Variants in RBM34 observed in about 807,000 individuals in gnomAD.
RBM34 encodes RNA binding motif protein 34.
RBM34 carries 39 observed loss-of-function variants against 44.6 expected under a neutral mutation model. That is an observed-to-expected ratio of 0.87 (90% CI 0.68 to 1.14). The LOEUF (loss-of-function observed/expected upper bound fraction) is 1.14, where lower values mean the gene tolerates loss of function less well. Among genes scored for constraint, RBM34 ranks in the 50% most tolerant of loss-of-function variants. The pLI is 0.00. For synonymous variants in RBM34, 194 were observed against 184.0 expected, an observed-to-expected ratio of 1.05 and a Z score of -0.44; for missense variants, 572 against 517.9, an observed-to-expected ratio of 1.10 and a Z score of -1.01.
At chr1:235,150,944 G>T (rs1467266373) in intron 5 of RBM34, among the ~76,000 whole-genome samples, 2 of 152,134 alleles carry the variant, frequency 1.3e-5, no homozygotes, top group Non-Finnish European at 2.9e-5. Context: ...CGGCTGGGGG[G>T]ATGGGGGGAA....
At chr1:235,139,969 C>T (rs1661605781) in intron 6 of RBM34, among the ~76,000 whole-genome samples, 1 of 152,234 alleles carries the variant, frequency 6.6e-6, no homozygotes, top group Non-Finnish European at 1.5e-5. Context: ...CAGGAGTGTG[C>T]GCCCATCCTC....
intron 8 of RBM34, among the ~76,000 whole-genome samples, chr1:235,136,357 G>A (rs1032215964): frequency 3.9e-5 from 6 of 152,170 alleles, no homozygotes. Flanking sequence ...TCTGTAAAGG[G>A]CCAGATAGCA....
chr1:235,143,386 T>C (rs922109921), intron 6 of RBM34, among the ~76,000 whole-genome samples: 29 of 152,250 alleles, frequency 1.9e-4, no homozygotes, highest in Admixed American at 5.9e-4. Context: ...ACCCAAATTT[T>C]TTTTAGCAGT....
intron 6 of RBM34, among the ~76,000 whole-genome samples, 164 bp downstream of exon 6, chr1:235,148,240 C>T (rs551568427): frequency 1.4e-4 from 21 of 152,150 alleles, no homozygotes; most frequent in South Asian, 4.1e-4. Context: ...TAAAGAAAAA[C>T]GTGACAAATC....
In RBM34 at chr1:235,155,876, C is replaced by CATATATACT. The variant is rs1553275389; in HGVS notation, c.366-765_366-764insAGTATATAT. 1.1e-3 allele frequency among the ~76,000 whole-genome samples: 92 copies of CATATATACT among 84,494 alleles called. 3 individuals are homozygous for CATATATACT. Among genetic ancestry groups the CATATATACT allele is most frequent in the African/African-American group, 1.1e-3 (20 of 17,810 alleles). The allele number at this position is 84,494 out of a possible 152,430, so 55.4% of individuals were successfully genotyped here. ...ATATATATATATATATACATATATA[C>CATATATACT]TTTTTTTTTTTGAGACAGAGTCTAG... On this transcript the variant is annotated intron_variant, in intron 3 of 10. Coordinates refer to ENST00000408888, the MANE Select transcript of RBM34 (RefSeq NM_015014.4).
chr1:235,149,820 T>C (rs963886595), intron 5 of RBM34, among the ~76,000 whole-genome samples: 3 of 152,220 alleles, frequency 2.0e-5, no homozygotes, highest in African/African-American at 7.2e-5. Context: ...ATTATAAATC[T>C]TTTCTGGAAA....
intron 6 of RBM34, 40 bp downstream of exon 6, chr1:235,148,364 A>T (rs749555344): frequency 2.0e-6 from 3 of 1,488,846 alleles, no homozygotes; most frequent in Non-Finnish European, 2.7e-6. Context: ...AAAAAGGAAG[A>T]AAGTTTAAGG....
intron 4 of RBM34, 50 bp from the exon 5 acceptor site, chr1:235,152,815 TAA>T: frequency 7.0e-7 from 1 of 1,427,464 alleles, no homozygotes. Flanking sequence ...GAACATCAAA[TAA>T]GTGCTACAAA....
chr1:235,160,327 A>G, intron 3 of RBM34, 184 bp downstream of exon 3: 1 of 768,720 alleles, frequency 1.3e-6, no homozygotes, highest in Non-Finnish European at 2.3e-6. Context: ...AATATTAGTA[A>G]TTGCTGATGC....
chr1:235,157,299 G>A (rs1662491692), intron 3 of RBM34, among the ~76,000 whole-genome samples: 1 of 152,150 alleles, frequency 6.6e-6, no homozygotes, highest in Non-Finnish European at 1.5e-5. Context: ...GGAAGGAGGT[G>A]AAGACGAAAA....
At chr1:235,156,572 T>C (rs888273272) in intron 3 of RBM34, 4 of 430,924 alleles carry the variant, frequency 9.3e-6, no homozygotes, top group South Asian at 1.8e-5. Flanking sequence ...CTAATACTTC[T>C]GTAATATTTA....
intron 3 of RBM34, chr1:235,160,177 G>A: frequency 4.5e-6 from 2 of 441,160 alleles, no homozygotes; most frequent in Non-Finnish European, 9.0e-6. Context: ...GCTTGAACCT[G>A]GGAAGCGGAG....
Position 235,131,861 on chromosome 1 carries a change from T to C in RBM34, c.1145A>G (p.Lys382Arg). The C allele has an allele frequency of 6.2e-7, 1 of 1,614,178 alleles. No homozygotes were observed. Among genetic ancestry groups the C allele is most frequent in the South Asian group, 1.1e-5 (1 of 91,084 alleles). ...AGTAAAATTAAGTCCCTGCTTAGGT[T>C]TACTGACATTCTTCAATCGTGGATT... is the stretch of plus-strand genomic sequence containing the variant. ...NSNPRLKNVS[K>R]PKQGLNFTSK... Residue 382 changes from lysine to arginine, a missense_variant, in exon 11 of 11, where the codon AAA (lysine) becomes AGA (arginine). Lys to Arg is a conservative substitution (Grantham distance 26, BLOSUM62 2). Coordinates refer to ENST00000408888, the MANE Select transcript of RBM34 (RefSeq NM_015014.4).
intron 6 of RBM34, among the ~76,000 whole-genome samples, chr1:235,147,415 C>G (rs775948147): frequency 4.6e-5 from 7 of 152,152 alleles, no homozygotes; most frequent in Non-Finnish European, 7.4e-5. Context: ...GTTTCAACTT[C>G]ATACAGAAAT....
At chr1:235,156,741 A>C (rs1172454750) in intron 3 of RBM34, 1 of 403,852 alleles carries the variant, frequency 2.5e-6, no homozygotes, top group African/African-American at 2.1e-5. Flanking sequence ...AAAATGACTC[A>C]CTCATCAGCA....
intron 8 of RBM34, among the ~76,000 whole-genome samples, chr1:235,136,512 A>G (rs1198242545): frequency 6.6e-6 from 1 of 152,236 alleles, no homozygotes; most frequent in Non-Finnish European, 1.5e-5. Flanking sequence ...AAAAAAAAGC[A>G]GCACGTAGAT....
chr1:235,132,112 C>T, intron 10 of RBM34, 115 bp from the exon 11 acceptor site: 1 of 933,560 alleles, frequency 1.1e-6, no homozygotes, highest in South Asian at 1.8e-5. Context: ...AGATAAGCCC[C>T]ATCCAATCCC....
At position 235,135,053 on chromosome 1, in the gene RBM34, T is replaced by G. The variant is rs917626213; in HGVS notation, c.1008+599A>C. Among the ~76,000 whole-genome samples the G allele has an allele frequency of 2.7e-5, 4 of 150,680 alleles. No individual in the cohort carries two copies. In the South Asian group the frequency reaches 6.3e-4, roughly 24 times the overall value. On this transcript the variant is annotated intron_variant, in intron 10 of 10. Transcript: ENST00000408888. Reference sequence around the variant, plus strand: ...GCCACCACATCTGGCCGGTTTGTTTTTTTTTTTTTGAAACGGAGTCTTGCT... The same window carrying G: ...GCCACCACATCTGGCCGGTTTGTTTGTTTTTTTTTGAAACGGAGTCTTGCT...
intron 3 of RBM34, among the ~76,000 whole-genome samples, chr1:235,157,948 G>A (rs1387207950): frequency 1.3e-5 from 2 of 152,240 alleles, no homozygotes; most frequent in African/African-American, 4.8e-5. Flanking sequence ...AACAGATCAA[G>A]AGAAGGGAGA....
Sources: allele counts gnomAD v4.1 joint callset (sites outside exome capture counted in the v4.1 genomes callset), GRCh38; gene constraint gnomAD v4.1.1; transcripts MANE v1.5; gene names NCBI Gene and HGNC (gene_info 2026-07-23, HGNC 2026-07-21).